Variants in CERS3 observed in about 807,000 individuals in gnomAD.
CERS3 encodes LAG1 homolog, ceramide synthase 3.
A neutral mutation model predicts 50.3 loss-of-function variants in CERS3; 33 were observed. The ratio of observed to expected loss-of-function variants is 0.66; its 90% CI spans 0.50 to 0.88. CERS3 has a LOEUF of 0.88. Among genes scored for constraint, CERS3 ranks in the 40% least tolerant of loss-of-function variants. The pLI is 0.00. For missense variants in CERS3, 470 were observed against 460.3 expected (o/e 1.02, Z -0.19); for synonymous variants, 176 against 155.2 (o/e 1.13, Z -0.99).
intron 1 of CERS3, among the ~76,000 whole-genome samples, chr15:100,527,440 G>C (rs2036827680): frequency 6.6e-6 from 1 of 152,218 alleles, no homozygotes; most frequent in Admixed American, 6.5e-5. Context: ...GCAGGTGATA[G>C]ATTGATTGAT....
chr15:100,414,636 C>A (rs1232064094), intron 11 of CERS3, among the ~76,000 whole-genome samples: 7 of 152,058 alleles, frequency 4.6e-5, no homozygotes, highest in Admixed American at 3.9e-4. Flanking sequence ...ACATCTACAA[C>A]CATCTGATCT....
At chr15:100,527,033 C>T (rs1463837630) in intron 1 of CERS3, among the ~76,000 whole-genome samples, 4 of 152,024 alleles carry the variant, frequency 2.6e-5, no homozygotes, top group Non-Finnish European at 5.9e-5. Context: ...GTGGGTTATG[C>T]CTGGAATCCT....
chr15:100,505,601 A>G (rs539657422), intron 2 of CERS3, among the ~76,000 whole-genome samples: 27 of 152,384 alleles, frequency 1.8e-4, no homozygotes, highest in Non-Finnish European at 3.1e-4. Context: ...ATACTCAAAA[A>G]TGAAAACAAA....
intron 11 of CERS3, among the ~76,000 whole-genome samples, chr15:100,408,125 G>T (rs1037527764): frequency 1.3e-5 from 2 of 152,178 alleles, no homozygotes; most frequent in Non-Finnish European, 2.9e-5. Flanking sequence ...ACCCACCCTG[G>T]CCTCCCAAAG....
At chr15:100,464,967 G>C (rs879808366) in intron 10 of CERS3, among the ~76,000 whole-genome samples, 1 of 152,102 alleles carries the variant, frequency 6.6e-6, no homozygotes, top group Non-Finnish European at 1.5e-5. Context: ...AGGGAGACTC[G>C]TTAGGAGAGT....
At chr15:100,508,554 A>C (rs1373421469) in intron 2 of CERS3, among the ~76,000 whole-genome samples, 1 of 152,200 alleles carries the variant, frequency 6.6e-6, no homozygotes, top group Non-Finnish European at 1.5e-5. Context: ...GCTGTGAAAA[A>C]TTCTTGAGCC....
intron 2 of CERS3, among the ~76,000 whole-genome samples, chr15:100,502,207 T>G (rs1440705810): frequency 7.7e-6 from 1 of 130,216 alleles, no homozygotes; most frequent in East Asian, 2.3e-4. Context: ...ATCACGCCAC[T>G]GTACTCCAGC....
chr15:100,406,967 T>G (rs2031087687), intron 11 of CERS3, among the ~76,000 whole-genome samples: 1 of 152,144 alleles, frequency 6.6e-6, no homozygotes, highest in Admixed American at 6.6e-5. Flanking sequence ...GCAGGGGAAC[T>G]CCTCTTTTTG....
At position 100,401,448 on chromosome 15, in the gene CERS3, C is replaced by T. The variant is rs2030523756; in HGVS notation, c.*1265G>A. ...GGTGCTCCCTTCCGGAGGGTGAGGA[C>T]AAGCTGGCTACTGATCTGCCCGTCC... On this transcript the variant is annotated 3_prime_UTR_variant, in exon 12 of 12. Transcript: ENST00000679737. 1 of 152,292 alleles carries T rather than the reference C, an allele frequency of 6.6e-6. No individual in the cohort carries two copies. The highest frequency in any genetic ancestry group is 2.1e-4 in the South Asian group (1 of 4,834). 9.4% of individuals were successfully genotyped at this position (152,292 alleles called of 1,614,324 possible).
At chr15:100,445,385 T>G (rs12910082) in intron 11 of CERS3, among the ~76,000 whole-genome samples, 70,268 of 151,690 alleles carry the variant, frequency 0.46, 17,094 homozygotes, top group Non-Finnish European at 0.54. Flanking sequence ...CCGCCACTCT[T>G]AACTCTTAAA....
intron 11 of CERS3, among the ~76,000 whole-genome samples, chr15:100,432,385 G>A (rs907773025): frequency 2.0e-5 from 3 of 152,056 alleles, no homozygotes; most frequent in Non-Finnish European, 2.9e-5. Flanking sequence ...CAACAAAAAC[G>A]AAAAACCACT....
intron 11 of CERS3, among the ~76,000 whole-genome samples, chr15:100,438,108 G>A (rs2033515081): frequency 6.9e-6 from 1 of 144,128 alleles, no homozygotes. Context: ...GCAGTGGTGT[G>A]ATCTTGGCTC....
intron 11 of CERS3, among the ~76,000 whole-genome samples, chr15:100,425,140 A>T (rs1028430046): frequency 6.6e-6 from 1 of 152,216 alleles, no homozygotes; most frequent in Non-Finnish European, 1.5e-5. Context: ...GGGGTGGAGC[A>T]CTCATGAAGA....
intron 5 of CERS3, among the ~76,000 whole-genome samples, chr15:100,481,538 C>T (rs908568780): frequency 6.6e-6 from 1 of 152,206 alleles, no homozygotes; most frequent in African/African-American, 2.4e-5. Flanking sequence ...TGGGTGCTCC[C>T]CCGGTGTTTA....
At chr15:100,427,238 G>A (rs1251701464) in intron 11 of CERS3, among the ~76,000 whole-genome samples, 4 of 152,138 alleles carry the variant, frequency 2.6e-5, no homozygotes, top group Admixed American at 1.3e-4. Flanking sequence ...CTGCTGGACA[G>A]CGCTGCATCC....
intron 10 of CERS3, among the ~76,000 whole-genome samples, chr15:100,467,833 AC>A (rs1423270153): frequency 1.6e-4 from 19 of 121,896 alleles, no homozygotes; most frequent in African/African-American, 6.1e-4. Flanking sequence ...GTATATATAT[AC>A]GTGTATATAT....
intron 10 of CERS3, among the ~76,000 whole-genome samples, chr15:100,465,869 G>C (rs918792324): frequency 2.0e-5 from 3 of 152,128 alleles, no homozygotes; most frequent in Admixed American, 6.5e-5. Flanking sequence ...ATGTTGACCA[G>C]GCTGGTCTCG....
chr15:100,520,444 G>T (rs1478276262), intron 2 of CERS3, among the ~76,000 whole-genome samples: 1 of 152,190 alleles, frequency 6.6e-6, no homozygotes, highest in Non-Finnish European at 1.5e-5. Flanking sequence ...CACCAGAGGG[G>T]CTGGTAGCAT....
chr15:100,513,431 C>A (rs1212929249), intron 2 of CERS3, among the ~76,000 whole-genome samples: 1 of 152,124 alleles, frequency 6.6e-6, no homozygotes, highest in African/African-American at 2.4e-5. Context: ...CCCCTGCCTA[C>A]TTTTCCAGTT....
Sources: gnomAD v4.1 joint callset for allele counts (sites outside exome capture counted in the v4.1 genomes callset) on GRCh38, gnomAD v4.1.1 for gene constraint, MANE v1.5 for transcripts, NCBI Gene and HGNC (gene_info 2026-07-23, HGNC 2026-07-21) for gene names.